The following EIF4B variants were observed in gnomAD, a reference collection of about 807,000 sequenced individuals.
EIF4B encodes the protein eukaryotic translation initiation factor 4B.
Under a neutral mutation model 79.3 loss-of-function variants are expected in EIF4B, and 8 were observed. That is an observed-to-expected ratio of 0.10 (90% CI 0.06 to 0.18). EIF4B has a LOEUF of 0.18. Among genes scored for constraint, EIF4B ranks in the 10% least tolerant of loss-of-function variants. The pLI is 1.00. For missense variants in EIF4B, 515 were observed against 792.4 expected, an observed-to-expected ratio of 0.65 and a Z score of 4.20; for synonymous variants, 238 against 274.7, an observed-to-expected ratio of 0.87 and a Z score of 1.32.
intron 1 of EIF4B, 27 bp from the exon 2 acceptor site, chr12:53,016,446 T>C: frequency 1.2e-6 from 2 of 1,611,788 alleles, no homozygotes; most frequent in Non-Finnish European, 1.7e-6. Flanking sequence ...TATTGGTGAA[T>C]AATCTTTCTC....
chr12:53,014,727 T>G (rs1453189794), intron 1 of EIF4B: 1 of 152,200 alleles, frequency 6.6e-6, no homozygotes, highest in African/African-American at 2.4e-5. Context: ...AAGGGGTACA[T>G]CAAGTTTGAT....
chr12:53,034,956 C>CTTTTT (rs72498436), intron 10 of EIF4B, among the ~76,000 whole-genome samples: 1 of 90,152 alleles, frequency 1.1e-5, no homozygotes, highest in East Asian at 3.6e-4. Flanking sequence ...TTGTCTCTCT[C>CTTTTT]TTTTTTTTTT....
chr12:53,006,950 G>A (rs1942972098), intron 1 of EIF4B, among the ~76,000 whole-genome samples: 1 of 150,442 alleles, frequency 6.6e-6, no homozygotes, highest in Non-Finnish European at 1.5e-5. Context: ...GAGTAAGTGT[G>A]GTGGGGGGGA....
chr12:53,009,215 G>A (rs1395350109), intron 1 of EIF4B, among the ~76,000 whole-genome samples: 1 of 152,024 alleles, frequency 6.6e-6, no homozygotes, highest in Non-Finnish European at 1.5e-5. Context: ...TTTGATACAG[G>A]TTAACATTTA....
rs150784992 is a variant in EIF4B, at chr12:53,018,901, C to T, written c.255C>T (p.Ile85=). The T allele has an allele frequency of 1.6e-5, 26 of 1,613,912 alleles. No individual in the cohort carries two copies. Among genetic ancestry groups the T allele is most frequent in the Non-Finnish European group, 2.2e-5 (26 of 1,179,872 alleles). ...TAPRAAREPN[I]DRSRLPKSPP... ...CACGGGCTGCTCGGGAACCCAATAT[C>T]GACCGGAGCCGTCTTCCCAAATCGC... Residue 85 remains isoleucine, a synonymous_variant, in exon 3 of 15, where the codon ATC becomes ATT. Transcript: ENST00000262056.
chr12:53,039,591 C>G (rs1943595511), intron 13 of EIF4B, 39 bp from the exon 14 acceptor site: 1 of 1,610,372 alleles, frequency 6.2e-7, no homozygotes, highest in Admixed American at 1.7e-5. Context: ...TAGGCGAGTC[C>G]TTTCCTAAAG....
chr12:53,022,508 C>T lies in EIF4B; in HGVS notation c.548C>T (p.Ser183Phe), dbSNP rs369841578. Residue 183 changes from serine to phenylalanine, a missense_variant, in exon 6 of 15, where the codon TCT becomes TTT. Around this residue, in one of 6 missense-constraint regions of EIF4B, gnomAD observed 187 missense variants for 256.5 expected, o/e 0.73. Transcript: ENST00000262056. ...QAQDKDRDDR[S>F]FGRDRNRDSD... is the part of the protein sequence containing the mutation. Reference sequence around the variant, plus strand: ...GTATCTGTAGACAGGGATGATCGTTCTTTTGGCCGTGATAGAAATCGGGAT... The same window carrying T: ...GTATCTGTAGACAGGGATGATCGTTTTTTTGGCCGTGATAGAAATCGGGAT... The T allele has an allele frequency of 2.5e-6, 4 of 1,613,006 alleles. No individual in the cohort carries two copies. Among genetic ancestry groups the T allele is most frequent in the Non-Finnish European group, 3.4e-6 (4 of 1,179,848 alleles).
chr12:53,029,513 C>CTA (rs1000161747), intron 8 of EIF4B, among the ~76,000 whole-genome samples: 4 of 151,844 alleles, frequency 2.6e-5, no homozygotes, highest in African/African-American at 9.7e-5. Flanking sequence ...GTAGCTGGGA[C>CTA]TACAGGTGCA....
In EIF4B at chr12:53,022,575, A is replaced by C. The variant is rs748508004; in HGVS notation, c.615A>C (p.Thr205=). ...CAGACTGGAGGGCTCGTCCTGCTACAGACAGCTTTGATGACTACCCACCTA... is the reference window on the plus strand; with the variant it reads ...CAGACTGGAGGGCTCGTCCTGCTACCGACAGCTTTGATGACTACCCACCTA... ...TDTDWRARPA[T]DSFDDYPPRR... The change falls in exon 6 of 15, where the codon ACA becomes ACC. Residue 205 remains threonine, a synonymous_variant. Coordinates refer to ENST00000262056, the MANE Select transcript of EIF4B (RefSeq NM_001417.7). 1.4e-5 allele frequency: 23 copies of C among 1,613,800 alleles called. No homozygotes were observed. The highest frequency in any genetic ancestry group is 1.9e-5 in the Non-Finnish European group (22 of 1,179,908).
Position 53,034,705 on chromosome 12 carries a change from C to G in EIF4B, c.1302C>G (p.Ser434Arg). The G allele has an allele frequency of 6.2e-7, 1 of 1,614,010 alleles. No homozygotes were observed. Among genetic ancestry groups the G allele is most frequent in the Non-Finnish European group, 8.5e-7 (1 of 1,179,910 alleles). The change falls in exon 10 of 15, where the codon AGC becomes AGG. Residue 434 changes from serine (S) to arginine (R), a missense_variant. Around this residue, in one of 6 missense-constraint regions of EIF4B, gnomAD observed 146 missense variants for 228.0 expected, o/e 0.64. Transcript: ENST00000262056. ...AAACTGGGACCTCCACCACATCTAG[C>G]AGAAGTAAGTCAGACCAGGGTGGGT... ...SSQTGTSTTS[S>R]RNARRRESEK...
At chr12:53,007,751 G>C (rs987645700) in intron 1 of EIF4B, among the ~76,000 whole-genome samples, 1 of 152,142 alleles carries the variant, frequency 6.6e-6, no homozygotes, top group Non-Finnish European at 1.5e-5. Context: ...GAAGCTAAGG[G>C]TTTTGGTTGG....
At chr12:53,032,019 T>C (rs1191966775) in intron 8 of EIF4B, among the ~76,000 whole-genome samples, 1 of 149,694 alleles carries the variant, frequency 6.7e-6, no homozygotes, top group Non-Finnish European at 1.5e-5. Flanking sequence ...CTCTTGAAAG[T>C]GTTCTGACAA....
intron 2 of EIF4B, among the ~76,000 whole-genome samples, chr12:53,017,852 A>G (rs2120909395): frequency 6.6e-6 from 1 of 152,274 alleles, no homozygotes; most frequent in East Asian, 1.9e-4. Flanking sequence ...CAGCCTCCCA[A>G]AGTGCTGGGA....
intron 6 of EIF4B, among the ~76,000 whole-genome samples, chr12:53,026,610 T>C (rs552377753): frequency 6.6e-6 from 1 of 152,200 alleles, no homozygotes; most frequent in Non-Finnish European, 1.5e-5. Context: ...TTGATTTATT[T>C]ATTTATTTTG....
At chr12:53,020,436 T>C (rs1423640287) in intron 4 of EIF4B, among the ~76,000 whole-genome samples, 1 of 152,218 alleles carries the variant, frequency 6.6e-6, no homozygotes, top group Non-Finnish European at 1.5e-5. Flanking sequence ...AGTGTTGTAA[T>C]GGTATATTTG....
At position 53,039,381 on chromosome 12, in the gene EIF4B, C is replaced by T. The variant is rs1236289654; in HGVS notation, c.1682+38C>T. 8 of 1,481,146 alleles carry T rather than the reference C, an allele frequency of 5.4e-6. No individual in the cohort carries two copies. In the East Asian group the frequency reaches 1.6e-4, roughly 30 times the overall value. 91.8% of individuals were successfully genotyped at this position (1,481,146 alleles called of 1,614,324 possible). On this transcript the variant is annotated intron_variant, in intron 13 of 14. Coordinates refer to ENST00000262056, the MANE Select transcript of EIF4B (RefSeq NM_001417.7). ...TCTTTCTCATCTTTCCTCTGATCCACATGTTTGTGTAATTAAGAAATTAAG... is the reference window on the plus strand; with the variant it reads ...TCTTTCTCATCTTTCCTCTGATCCATATGTTTGTGTAATTAAGAAATTAAG...
Position 53,039,447 on chromosome 12 carries a change from C to G in EIF4B, c.1682+104C>G. On this transcript the variant is annotated intron_variant, in intron 13 of 14. Coordinates refer to ENST00000262056, the MANE Select transcript of EIF4B (RefSeq NM_001417.7). Reference sequence around the variant, plus strand: ...GCACTGCCAGATCGCTCATTGTGAGCAAACTAAAGTCAGCCAACGTAGACA... The same window carrying G: ...GCACTGCCAGATCGCTCATTGTGAGGAAACTAAAGTCAGCCAACGTAGACA... 4.0e-6 allele frequency: 5 copies of G among 1,237,418 alleles called. No homozygotes were observed. In the South Asian group the frequency reaches 4.4e-5, roughly 11 times the overall value. The allele number at this position is 1,237,418 out of a possible 1,614,324, so 76.7% of individuals were successfully genotyped here.
At chr12:53,036,371 C>T (rs1471892461) in intron 10 of EIF4B, among the ~76,000 whole-genome samples, 1 of 152,164 alleles carries the variant, frequency 6.6e-6, no homozygotes, top group Admixed American at 6.5e-5. Context: ...CCTGGCCTCC[C>T]AAAGTGCTGG....
intron 3 of EIF4B, among the ~76,000 whole-genome samples, chr12:53,019,450 C>CTTTTTTTTTTTTTTTTTGTTTTTTTTT: frequency 1.5e-5 from 1 of 65,998 alleles, no homozygotes; most frequent in Non-Finnish European, 3.1e-5. Flanking sequence ...TTTTTTTTTT[C>CTTTTTTTTTTTTTTTTTGTTTTTTTTT]TTTTTTTTTT....
Sources: gnomAD v4.1 joint callset for allele counts (sites outside exome capture counted in the v4.1 genomes callset) on GRCh38, gnomAD v4.1.1 for gene constraint, gnomAD v4.1.1 regional missense constraint, MANE v1.5 for transcripts, NCBI Gene and HGNC (gene_info 2026-07-23, HGNC 2026-07-21) for gene names.